NLRC3: variants seen among roughly 807,000 people sequenced by gnomAD.
NLRC3 encodes the protein NLR family CARD domain containing 3.
A neutral mutation model predicts 91.6 loss-of-function variants in NLRC3; 87 were observed. The observed-to-expected ratio is 0.95, with a 90% CI of 0.80 to 1.14. The LOEUF (loss-of-function observed/expected upper bound fraction) is 1.14. NLRC3 is among the 50% of genes most tolerant of loss of function. The pLI is 0.00. For synonymous variants in NLRC3, 694 were observed against 625.3 expected, an observed-to-expected ratio of 1.11 and a Z score of -1.64; for missense variants, 1,577 against 1,418.6, an observed-to-expected ratio of 1.11 and a Z score of -1.79.
intron 10 of NLRC3, among the ~76,000 whole-genome samples, chr16:3,551,761 T>A: frequency 1.8e-5 from 1 of 55,260 alleles, no homozygotes; most frequent in Non-Finnish European, 3.6e-5. Context: ...TCACCAGTCC[T>A]CTCACCCATC....
In NLRC3 at chr16:3,542,695, A is replaced by T; in HGVS notation, c.3020T>A (p.Leu1007His). 1.2e-6 allele frequency: 2 copies of T among 1,605,596 alleles called. No individual in the cohort carries two copies. Among genetic ancestry groups the T allele is most frequent in the Non-Finnish European group, 1.7e-6 (2 of 1,174,274 alleles). ...ALKVNSSLRR[L>H]NLQENSLGMD... The stretch of plus-strand genomic sequence containing the variant: ...GTAGGTCCCTCCAGCCACTTACTTG[A>T]GTCTCCGGAGACTTGAGTTTACCTT... The change falls in exon 18 of 20, where the codon CTC (leucine) becomes CAC (histidine). Residue 1007 changes from leucine to histidine, a missense_variant. By Grantham distance (99) the Leu-to-His change is moderately conservative (BLOSUM62 -3). Transcript: ENST00000359128.
Position 3,542,209 on chromosome 16 carries a change from T to G in NLRC3, c.3089A>C (p.His1030Pro). ...ICIATALSGN[H>P]RLQHINLQGN... The stretch of plus-strand genomic sequence containing the variant: ...CACTCACTTGATATGCTGGAGCCTG[T>G]GGTTTCCAGACAGTGCTGTGGCAAT... Residue 1030 changes from histidine to proline, a missense_variant, in exon 19 of 20, where the codon CAC becomes CCC. Coordinates refer to ENST00000359128, the MANE Select transcript of NLRC3 (RefSeq NM_178844.4). 2 of 1,588,590 alleles carry G rather than the reference T, an allele frequency of 1.3e-6. No homozygotes were observed. The highest frequency in any genetic ancestry group is 1.2e-5 in the South Asian group (1 of 86,590).
chr16:3,549,255 G>A, intron 12 of NLRC3, 30 bp from the exon 13 acceptor site: 1 of 1,508,510 alleles, frequency 6.6e-7, no homozygotes. Flanking sequence ...CTGAGCTTCT[G>A]ACCGGGCAGA....
intron 2 of NLRC3, among the ~76,000 whole-genome samples, chr16:3,565,767 GCA>G: frequency 6.6e-6 from 1 of 150,468 alleles, no homozygotes; most frequent in African/African-American, 2.5e-5. Context: ...CCATGGCTGG[GCA>G]CAGTGACTCA....
intron 6 of NLRC3, among the ~76,000 whole-genome samples, chr16:3,561,213 G>C (rs1444843002): frequency 6.6e-6 from 1 of 151,878 alleles, no homozygotes; most frequent in Non-Finnish European, 1.5e-5. Flanking sequence ...AGCCAGGTGT[G>C]GTGGGCCCCT....
intron 1 of NLRC3, among the ~76,000 whole-genome samples, chr16:3,573,041 C>G (rs975333094): frequency 6.7e-6 from 1 of 148,416 alleles, no homozygotes; most frequent in African/African-American, 2.5e-5. Flanking sequence ...AATCAAATAT[C>G]TAGGAATAAA....
At chr16:3,569,706 A>G (rs1339254701) in intron 1 of NLRC3, among the ~76,000 whole-genome samples, 2 of 151,788 alleles carry the variant, frequency 1.3e-5, no homozygotes, top group Non-Finnish European at 2.9e-5. Flanking sequence ...CCCAAAAACT[A>G]TAACTCTTAT....
chr16:3,569,581 A>G (rs753777403), intron 1 of NLRC3, among the ~76,000 whole-genome samples: 2 of 151,302 alleles, frequency 1.3e-5, no homozygotes, highest in African/African-American at 2.4e-5. Flanking sequence ...GTATTTTAGT[A>G]GAGATGGGGT....
intron 8 of NLRC3, among the ~76,000 whole-genome samples, chr16:3,556,339 AAAAAAAAAAAAAAAAGAG>A (rs2039325215): frequency 7.1e-6 from 1 of 141,280 alleles, no homozygotes; most frequent in Admixed American, 7.1e-5. Flanking sequence ...AAAAAAAAAA[AAAAAAAAAAAAAAAAGAG>A]ACGTAACAAA....
chr16:3,549,399 C>T (rs1045435379), intron 12 of NLRC3, among the ~76,000 whole-genome samples, 174 bp from the exon 13 acceptor site: 14 of 152,124 alleles, frequency 9.2e-5, no homozygotes, highest in African/African-American at 3.4e-4. Context: ...CAGTGCTGGG[C>T]CAGCCAGGTG....
chr16:3,554,437 C>G, intron 8 of NLRC3, 112 bp from the exon 9 acceptor site: 1 of 711,402 alleles, frequency 1.4e-6, no homozygotes, highest in Non-Finnish European at 2.5e-6. Flanking sequence ...CTGACCACTA[C>G]GTGCCCTCAC....
Position 3,549,230 on chromosome 16 carries a change from A to G in NLRC3, c.2520-5T>C. The G allele has an allele frequency of 6.4e-7, 1 of 1,569,180 alleles. No individual in the cohort carries two copies. The highest frequency in any genetic ancestry group is 8.7e-7 in the Non-Finnish European group (1 of 1,155,872). ...CTGATGGAGTTTTCTCGAAGGCTGA[A>G]AAAAAAGGAAAGACCTGAGCTTCTG... On this transcript the variant is annotated splice_polypyrimidine_tract_variant and splice_region_variant and intron_variant, in intron 12 of 19. Transcript: ENST00000359128.
rs1189595673 is a variant in NLRC3 at position 3,564,379 on chromosome 16, C to G, written c.558G>C (p.Glu186Asp). The change falls in exon 5 of 20, where the codon GAG (glutamate) becomes GAC (aspartate). Residue 186 changes from glutamate (E) to aspartate (D), a missense_variant. Transcript: ENST00000359128. The surrounding 1 kb of genome is among the most constrained non-coding windows in gnomAD (Gnocchi z 5.9). ...AGATGAGTCGGTCGGCACACAGCTT[C>G]TCGTGGGTGTTGAGATCCCGGAAGG... ...PLTFRDLNTH[E>D]KLCADRLICS... is the part of the protein sequence containing the mutation. 6.2e-7 allele frequency: 1 copy of G among 1,612,380 alleles called. No homozygotes were observed. Among genetic ancestry groups the G allele is most frequent in the Middle Eastern group, 1.6e-4 (1 of 6,084 alleles).
At chr16:3,549,096 G>T in intron 13 of NLRC3, 46 bp downstream of exon 13, 1 of 1,396,052 alleles carries the variant, frequency 7.2e-7, no homozygotes, top group Non-Finnish European at 1.0e-6. Flanking sequence ...TGTGGGTGTG[G>T]TCATGGCATG....
intron 10 of NLRC3, among the ~76,000 whole-genome samples, chr16:3,550,790 T>G (rs1018956017): frequency 2.0e-5 from 3 of 152,180 alleles, no homozygotes; most frequent in Admixed American, 6.5e-5. Context: ...AGGAAATGTT[T>G]TCTTCTGCCA....
chr16:3,543,209 T>G, intron 17 of NLRC3: 1 of 551,942 alleles, frequency 1.8e-6, no homozygotes, highest in Non-Finnish European at 3.3e-6. Flanking sequence ...TCTAGACGTG[T>G]TCAGCCTGGC....
chr16:3,562,007 G>A (rs960488167), intron 5 of NLRC3, among the ~76,000 whole-genome samples: 5 of 152,156 alleles, frequency 3.3e-5, no homozygotes, highest in Non-Finnish European at 5.9e-5. Context: ...CATCTTCCAC[G>A]GGCTGTCGTC....
chr16:3,568,605 T>C (rs1245641123), intron 1 of NLRC3, among the ~76,000 whole-genome samples: 1 of 152,170 alleles, frequency 6.6e-6, no homozygotes, highest in East Asian at 1.9e-4. Flanking sequence ...TTCACGCCTG[T>C]AGTCCCAGCT....
At chr16:3,567,075 G>T (rs113131243) in intron 2 of NLRC3, among the ~76,000 whole-genome samples, 168 bp downstream of exon 2, 1 of 152,144 alleles carries the variant, frequency 6.6e-6, no homozygotes. Flanking sequence ...CCCTCTGCTC[G>T]TGGGGATTGT....
Sources: gnomAD v4.1 joint callset for allele counts (sites outside exome capture counted in the v4.1 genomes callset) on GRCh38, gnomAD v4.1.1 for gene constraint, Gnocchi (gnomAD v3.1) non-coding constraint, MANE v1.5 for transcripts, NCBI Gene and HGNC (gene_info 2026-07-23, HGNC 2026-07-21) for gene names.